GALNTL6: variants seen among roughly 807,000 people sequenced by gnomAD.
The protein encoded by GALNTL6 is polypeptide N-acetylgalactosaminyltransferase-like 6.
In GALNTL6, 46 loss-of-function variants were observed where a neutral mutation model predicts 73.7. The ratio of observed to expected loss-of-function variants is 0.62; its 90% CI spans 0.49 to 0.80. The LOEUF (loss-of-function observed/expected upper bound fraction) is 0.80, where lower values mean the gene tolerates loss of function less well. GALNTL6 is among the 30% of genes least tolerant of loss of function. GALNTL6 has a pLI of 0.00. For synonymous variants in GALNTL6, 259 were observed against 263.7 expected (o/e 0.98, Z 0.17); for missense variants, 604 against 755.0 (o/e 0.80, Z 2.34).
rs189821792 is a variant in GALNTL6, at chr4:172,390,749, G to A, written c.553+42060G>A. On this transcript the variant is annotated intron_variant, in intron 5 of 12. Coordinates refer to ENST00000506823, the MANE Select transcript of GALNTL6 (RefSeq NM_001034845.3). ...TATAACTAAGTATGACGTAAAATGC[G>A]ATATTTTGTTCAAATGAGAGGCAAA... Among the ~76,000 whole-genome samples the A allele has an allele frequency of 3.2e-3, 482 of 152,174 alleles. 5 individuals are homozygous for A. Among genetic ancestry groups the A allele is most frequent in the Admixed American group, 0.029 (436 of 15,282 alleles).
At chr4:171,832,480 TAGATAGATAGGTAGAG>T (rs1303896435) in intron 2 of GALNTL6, among the ~76,000 whole-genome samples, 4 of 151,446 alleles carry the variant, frequency 2.6e-5, no homozygotes, top group African/African-American at 7.2e-5. Context: ...GATAGGGAGG[TAGATAGATAGGTAGAG>T]AGATAGATAG....
intron 5 of GALNTL6, among the ~76,000 whole-genome samples, chr4:172,546,387 C>T (rs371679843): frequency 3.9e-5 from 6 of 151,920 alleles, no homozygotes; most frequent in African/African-American, 1.5e-4. Flanking sequence ...TGACTATTCC[C>T]ATGATAGTTA....
intron 2 of GALNTL6, among the ~76,000 whole-genome samples, chr4:172,065,232 A>G (rs1731323978): frequency 6.6e-6 from 1 of 152,128 alleles, no homozygotes; most frequent in Non-Finnish European, 1.5e-5. Flanking sequence ...AGATTCTCAT[A>G]AGGAGCATGC....
intron 5 of GALNTL6, among the ~76,000 whole-genome samples, chr4:172,692,790 G>A (rs1733393511): frequency 6.6e-6 from 1 of 152,248 alleles, no homozygotes; most frequent in East Asian, 1.9e-4. Flanking sequence ...TGGAAGTTAG[G>A]ATTGTCTATA....
intron 7 of GALNTL6, among the ~76,000 whole-genome samples, chr4:172,841,284 C>G (rs911614632): frequency 3.3e-5 from 5 of 152,156 alleles, no homozygotes. Context: ...TACCCTGTGT[C>G]AGGCACTATT....
At chr4:171,859,252 A>G (rs1479874424) in intron 2 of GALNTL6, among the ~76,000 whole-genome samples, 1 of 152,238 alleles carries the variant, frequency 6.6e-6, no homozygotes, top group African/African-American at 2.4e-5. Flanking sequence ...ATTCGATTAT[A>G]CAGTGGTTAT....
chr4:172,409,821 G>A (rs753823688), intron 5 of GALNTL6, among the ~76,000 whole-genome samples: 10 of 151,986 alleles, frequency 6.6e-5, no homozygotes, highest in Non-Finnish European at 1.0e-4. Flanking sequence ...AATTCAAAGT[G>A]GCCAGGTATG....
intron 5 of GALNTL6, among the ~76,000 whole-genome samples, chr4:172,780,658 T>C (rs1412643001): frequency 6.6e-6 from 1 of 152,230 alleles, no homozygotes; most frequent in Non-Finnish European, 1.5e-5. Context: ...GTGTGGATGA[T>C]GGAAATATCT....
intron 5 of GALNTL6, among the ~76,000 whole-genome samples, chr4:172,659,753 C>T (rs1731273063): frequency 6.6e-6 from 1 of 152,148 alleles, no homozygotes; most frequent in Non-Finnish European, 1.5e-5. Context: ...AGGTAATTAT[C>T]CTAGATAATC....
At chr4:172,912,102 A>C (rs1747233970) in intron 8 of GALNTL6, among the ~76,000 whole-genome samples, 1 of 152,336 alleles carries the variant, frequency 6.6e-6, no homozygotes, top group Admixed American at 6.5e-5. Context: ...TGCCCCCCAC[A>C]CAAGAGGTAT....
At chr4:172,271,078 G>T (rs1738630552) in intron 3 of GALNTL6, among the ~76,000 whole-genome samples, 1 of 152,110 alleles carries the variant, frequency 6.6e-6, no homozygotes. Context: ...TTGACTAGGA[G>T]ACAAATGAAG....
At chr4:172,187,541 A>G (rs1735451081) in intron 2 of GALNTL6, among the ~76,000 whole-genome samples, 1 of 152,092 alleles carries the variant, frequency 6.6e-6, no homozygotes, top group South Asian at 2.1e-4. Context: ...TTTTGACTTA[A>G]GGACATTCAG....
chr4:172,562,587 A>G (rs1298729678), intron 5 of GALNTL6, among the ~76,000 whole-genome samples: 1 of 152,182 alleles, frequency 6.6e-6, no homozygotes, highest in African/African-American at 2.4e-5. Context: ...TGAATGTCCT[A>G]TGAGAAGCTG....
chr4:173,021,182 C>T (rs933617870), intron 11 of GALNTL6, among the ~76,000 whole-genome samples: 5 of 152,196 alleles, frequency 3.3e-5, no homozygotes, highest in African/African-American at 1.2e-4. Context: ...TCTCCTTCTT[C>T]CATGCCCCTC....
intron 3 of GALNTL6, among the ~76,000 whole-genome samples, chr4:172,281,544 C>CA (rs539066955): frequency 5.4e-4 from 82 of 151,478 alleles, no homozygotes; most frequent in East Asian, 9.7e-4. Flanking sequence ...AAAAAAAATA[C>CA]AAAAAAAAGA....
At chr4:172,467,413 C>G (rs915119517) in intron 5 of GALNTL6, among the ~76,000 whole-genome samples, 1 of 152,194 alleles carries the variant, frequency 6.6e-6, no homozygotes, top group African/African-American at 2.4e-5. Context: ...TATGCAACTG[C>G]GAGTCTCCTG....
At chr4:172,956,106 T>C (rs1749737828) in intron 10 of GALNTL6, among the ~76,000 whole-genome samples, 1 of 151,546 alleles carries the variant, frequency 6.6e-6, no homozygotes, top group African/African-American at 2.4e-5. Flanking sequence ...AACAAAATAG[T>C]GTTGAAGTGG....
chr4:172,552,224 A>G (rs1735980795), intron 5 of GALNTL6, among the ~76,000 whole-genome samples: 1 of 152,116 alleles, frequency 6.6e-6, no homozygotes, highest in African/African-American at 2.4e-5. Context: ...ATTGGCCACC[A>G]ACGCCCAGTT....
intron 5 of GALNTL6, among the ~76,000 whole-genome samples, chr4:172,444,635 A>G (rs1458998633): frequency 6.6e-6 from 1 of 152,204 alleles, no homozygotes; most frequent in African/African-American, 2.4e-5. Flanking sequence ...TATGTCTCGT[A>G]GGTTTCAGAA....
Sources: allele counts gnomAD v4.1 joint callset (sites outside exome capture counted in the v4.1 genomes callset), GRCh38; gene constraint gnomAD v4.1.1; transcripts MANE v1.5; gene names NCBI Gene and HGNC (gene_info 2026-07-23, HGNC 2026-07-21).